Variants in GRK3 observed in about 807,000 individuals in gnomAD.
GRK3 encodes G protein-coupled receptor kinase 3.
GRK3 carries 54 observed loss-of-function variants against 95.7 expected under a neutral mutation model. The ratio of observed to expected loss-of-function variants is 0.56; its 90% CI spans 0.45 to 0.71. The LOEUF (loss-of-function observed/expected upper bound fraction) is 0.71, where lower values mean the gene tolerates loss of function less well. Ranked by LOEUF, GRK3 falls within the 30% of genes least tolerant of loss-of-function variation. GRK3 has a pLI of 0.00. For missense variants in GRK3, 649 were observed against 851.2 expected, an observed-to-expected ratio of 0.76 and a Z score of 2.96; for synonymous variants, 281 against 290.8, an observed-to-expected ratio of 0.97 and a Z score of 0.34.
chr22:25,703,648 A>T (rs930794095), intron 14 of GRK3, 72 bp downstream of exon 14: 1 of 1,132,210 alleles, frequency 8.8e-7, no homozygotes. Context: ...TAATAAAAAA[A>T]TGCTATTACA....
intron 8 of GRK3, among the ~76,000 whole-genome samples, chr22:25,675,322 C>T (rs946486690): frequency 1.3e-5 from 2 of 152,190 alleles, no homozygotes; most frequent in Non-Finnish European, 2.9e-5. Flanking sequence ...GGACAATGAT[C>T]ACCGATCATG....
At chr22:25,709,722 T>C (rs2085329001) in intron 15 of GRK3, among the ~76,000 whole-genome samples, 176 bp from the exon 16 acceptor site, 1 of 152,220 alleles carries the variant, frequency 6.6e-6, no homozygotes, top group Middle Eastern at 3.2e-3. Context: ...GCATGCAGTA[T>C]TCTAAACATC....
intron 2 of GRK3, among the ~76,000 whole-genome samples, chr22:25,605,918 C>G (rs1340700463): frequency 2.0e-5 from 3 of 152,196 alleles, no homozygotes; most frequent in Non-Finnish European, 4.4e-5. Flanking sequence ...GCCTGCTTTC[C>G]CTTCAGCTCT....
chr22:25,670,967 T>C (rs1053348425), intron 6 of GRK3, among the ~76,000 whole-genome samples: 2 of 148,826 alleles, frequency 1.3e-5, no homozygotes, highest in African/African-American at 5.0e-5. Flanking sequence ...GGCAGGAGAA[T>C]GGCATGAACC....
At chr22:25,664,740 T>C (rs1601511337) in intron 5 of GRK3, among the ~76,000 whole-genome samples, 1 of 152,140 alleles carries the variant, frequency 6.6e-6, no homozygotes, top group East Asian at 1.9e-4. Context: ...AGGATGGTCT[T>C]GATCTCCTGA....
intron 1 of GRK3, among the ~76,000 whole-genome samples, chr22:25,572,306 C>T (rs1369211992): frequency 5.3e-5 from 8 of 152,032 alleles, no homozygotes; most frequent in Non-Finnish European, 1.0e-4. Context: ...TAAATAGTGC[C>T]GCAATAAACA....
At chr22:25,604,293 A>G (rs1245430432) in intron 1 of GRK3, 84 bp from the exon 2 acceptor site, 3 of 984,424 alleles carry the variant, frequency 3.0e-6, no homozygotes, top group East Asian at 2.5e-5. Context: ...TATGAAGTCA[A>G]GACATCCGTA....
At chr22:25,672,629 T>G (rs145784362) in intron 7 of GRK3, among the ~76,000 whole-genome samples, 3 of 152,208 alleles carry the variant, frequency 2.0e-5, no homozygotes, top group African/African-American at 7.2e-5. Context: ...AAAATACAAA[T>G]CTTTTACTTA....
chr22:25,609,548 T>G (rs2084479810), intron 2 of GRK3, among the ~76,000 whole-genome samples: 1 of 152,102 alleles, frequency 6.6e-6, no homozygotes, highest in African/African-American at 2.4e-5. Flanking sequence ...GCCAGGCTGG[T>G]CTCAAGCTCC....
At chr22:25,648,075 C>T (rs1286181536) in intron 3 of GRK3, 9 of 544,614 alleles carry the variant, frequency 1.7e-5, no homozygotes, top group South Asian at 1.6e-4. Flanking sequence ...GAGATCGCGC[C>T]ACTGCACTCC....
chr22:25,593,513 G>T (rs191839950), intron 1 of GRK3, among the ~76,000 whole-genome samples: 2 of 152,188 alleles, frequency 1.3e-5, no homozygotes, highest in Admixed American at 6.5e-5. Context: ...CTTTTGAGAA[G>T]TGTCTGTTCA....
chr22:25,703,003 T>C (rs1374914745), intron 13 of GRK3: 4 of 400,230 alleles, frequency 1.0e-5, no homozygotes, highest in African/African-American at 8.4e-5. Context: ...TTAGTTTCTG[T>C]TTTCATCAAA....
chr22:25,600,696 T>A (rs1396809274), intron 1 of GRK3, among the ~76,000 whole-genome samples: 1 of 152,166 alleles, frequency 6.6e-6, no homozygotes, highest in South Asian at 2.1e-4. Flanking sequence ...CATCCTAGGA[T>A]TTTGGGATCC....
At position 25,564,762 on chromosome 22, in the gene GRK3, C is replaced by T. The variant is rs1931370327; in HGVS notation, c.-279C>T. ...GTTGGACGCGCGCTCCCCGCAGACC[C>T]TCGCTGAAGGAGCAGGGGGCGGCGC... On this transcript the variant is annotated 5_prime_UTR_variant, in exon 1 of 21. Coordinates refer to ENST00000324198, the MANE Select transcript of GRK3 (RefSeq NM_005160.4). 6.6e-6 allele frequency: 1 copy of T among 150,792 alleles called. No homozygotes were observed. Among genetic ancestry groups the T allele is most frequent in the South Asian group, 2.1e-4 (1 of 4,800 alleles). The allele number at this position is 150,792 out of a possible 1,614,324, so 9.3% of individuals were successfully genotyped here. A position where few individuals can be genotyped will look rare whatever the true frequency, so the allele number is the denominator to read the frequency against.
At chr22:25,697,044 A>C (rs1389219140) in intron 13 of GRK3, among the ~76,000 whole-genome samples, 1 of 151,976 alleles carries the variant, frequency 6.6e-6, no homozygotes, top group East Asian at 1.9e-4. Context: ...TCTCTGCTGG[A>C]GATGTGGTTG....
At chr22:25,715,903 G>A (rs1376323536) in intron 18 of GRK3, among the ~76,000 whole-genome samples, 1 of 152,100 alleles carries the variant, frequency 6.6e-6, no homozygotes, top group South Asian at 2.1e-4. Context: ...TTATATAAAC[G>A]TTGCCAGAAT....
Position 25,667,777 on chromosome 22 carries a change from C to T in GRK3, c.480C>T (p.Asp160=), listed in dbSNP as rs879243304. 2 of 1,611,294 alleles carry T rather than the reference C, an allele frequency of 1.2e-6. No homozygotes were observed. Among genetic ancestry groups the T allele is most frequent in the African/African-American group, 2.7e-5 (2 of 74,844 alleles). ...IEEICESLRG[D]IFQKFMESDK... ...AAATTTGTGAAAGCCTTCGAGGTGA[C>T]ATTTTTCAAAAATTTATGGAAAGGT... Residue 160 remains aspartate (D), a synonymous_variant, in exon 6 of 21, where the codon GAC becomes GAT. Coordinates refer to ENST00000324198, the MANE Select transcript of GRK3 (RefSeq NM_005160.4).
intron 2 of GRK3, among the ~76,000 whole-genome samples, chr22:25,612,828 A>G (rs2146348716): frequency 6.6e-6 from 1 of 151,122 alleles, no homozygotes; most frequent in East Asian, 1.9e-4. Context: ...TGATAAAAAC[A>G]GAAACTACTA....
intron 18 of GRK3, among the ~76,000 whole-genome samples, chr22:25,715,394 C>A (rs1345980774): frequency 2.6e-5 from 4 of 152,072 alleles, no homozygotes; most frequent in Non-Finnish European, 2.9e-5. Context: ...CACCTGTAGT[C>A]CCAGGGACTG....
Sources: gnomAD v4.1 joint callset for allele counts (sites outside exome capture counted in the v4.1 genomes callset) on GRCh38, gnomAD v4.1.1 for gene constraint, MANE v1.5 for transcripts, NCBI Gene and HGNC (gene_info 2026-07-23, HGNC 2026-07-21) for gene names.